The following SETX variants were observed in gnomAD, a reference collection of about 807,000 sequenced individuals.
SETX encodes senataxin.
In SETX, 90 loss-of-function variants were observed where a neutral mutation model predicts 227.2. The ratio of observed to expected loss-of-function variants is 0.40; its 90% CI spans 0.33 to 0.47. The LOEUF (loss-of-function observed/expected upper bound fraction) is 0.47, where lower values mean the gene tolerates loss of function less well. Ranked by LOEUF, SETX falls within the 20% of genes least tolerant of loss-of-function variation. SETX has a pLI of 0.91. For missense variants in SETX, 3,052 were observed against 3,181.5 expected (o/e 0.96, Z 0.98); for synonymous variants, 1,210 against 1,113.2 (o/e 1.09, Z -1.73).
intron 23 of SETX, 61 bp downstream of exon 23, chr9:132,275,195 T>G (rs1316599718): frequency 6.4e-7 from 1 of 1,559,372 alleles, no homozygotes; most frequent in African/African-American, 1.4e-5. Context: ...TCTTCTTTCC[T>G]TCTATATCCT....
At chr9:132,291,662 A>C (rs1252140808) in intron 15 of SETX, among the ~76,000 whole-genome samples, 1 of 152,152 alleles carries the variant, frequency 6.6e-6, no homozygotes, top group Admixed American at 6.6e-5. Flanking sequence ...CAGATTTGAA[A>C]GCCCCTGAGC....
intron 23 of SETX, among the ~76,000 whole-genome samples, chr9:132,273,969 T>A (rs1843024124): frequency 8.6e-6 from 1 of 116,824 alleles, no homozygotes; most frequent in Non-Finnish European, 1.6e-5. Flanking sequence ...TCCTTTGTAT[T>A]CTTTTTTTTT....
intron 6 of SETX, among the ~76,000 whole-genome samples, chr9:132,335,390 CAAAAAA>C (rs1157691529): frequency 1.9e-5 from 1 of 51,992 alleles, no homozygotes; most frequent in Non-Finnish European, 3.2e-5. Flanking sequence ...GACTCCGTCT[CAAAAAA>C]AAAAAAAAAA....
chr9:132,325,218 T>G (rs929668094), intron 10 of SETX, among the ~76,000 whole-genome samples: 2 of 151,956 alleles, frequency 1.3e-5, no homozygotes, highest in Non-Finnish European at 1.5e-5. Flanking sequence ...TAGCCGGCCG[T>G]GGTGGCGAGA....
intron 11 of SETX, among the ~76,000 whole-genome samples, chr9:132,303,422 A>T (rs1845141046): frequency 6.6e-6 from 1 of 151,698 alleles, no homozygotes; most frequent in Non-Finnish European, 1.5e-5. Context: ...TAAACACAAA[A>T]ATTAAACCAT....
At position 132,290,574 on chromosome 9, in the gene SETX, C is replaced by CAAAAAAAAAA. The variant is rs59954158; in HGVS notation, c.6107-1933_6107-1924dup. The stretch of plus-strand genomic sequence containing the variant: ...TGGGAGACAGAGCGAGACTCCGTCT[C>CAAAAAAAAAA]AAAAAAAAAAAAAAAAAAAAAAAAA... On this transcript the variant is annotated intron_variant, in intron 15 of 25. Transcript: ENST00000224140. Among the ~76,000 whole-genome samples the CAAAAAAAAAA allele has an allele frequency of 1.1e-4, 5 of 44,716 alleles. 1 individual carries two copies. The highest frequency in any genetic ancestry group is 2.9e-4 in the African/African-American group (5 of 17,252). 29.3% of individuals were successfully genotyped at this position (44,716 alleles called of 152,430 possible).
At chr9:132,311,635 G>A in intron 11 of SETX, 122 bp downstream of exon 11, 1 of 706,782 alleles carries the variant, frequency 1.4e-6, no homozygotes, top group South Asian at 1.6e-5. Context: ...CATATTCTAA[G>A]AAGTCACAAA....
rs780079620 is a variant in SETX at position 132,331,333 on chromosome 9, A to G, written c.954T>C (p.Ile318=). ...CTCTATTGTAGCTTGCGTTGTTGAT[A>G]ATGGTTTGAAATGCCACAATAGGAT... ...LMDPIVAFQT[I]INNASYNREI... The change falls in exon 8 of 26, where the codon ATT becomes ATC. Residue 318 remains isoleucine, a synonymous_variant. Transcript: ENST00000224140. 1.9e-6 allele frequency: 3 copies of G among 1,614,056 alleles called. No individual in the cohort carries two copies. The highest frequency in any genetic ancestry group is 1.3e-5 in the African/African-American group (1 of 75,000).
chr9:132,281,780 C>T (rs1477538012), intron 19 of SETX, among the ~76,000 whole-genome samples: 2 of 152,044 alleles, frequency 1.3e-5, no homozygotes, highest in African/African-American at 4.8e-5. Context: ...GGCTAACACA[C>T]GTAATGCCAG....
chr9:132,288,676 G>T, intron 15 of SETX, 25 bp from the exon 16 acceptor site: 1 of 1,400,106 alleles, frequency 7.1e-7, no homozygotes, highest in Non-Finnish European at 1.0e-6. Context: ...CACAGTTAAG[G>T]ACTAATAAGG....
intron 5 of SETX, among the ~76,000 whole-genome samples, chr9:132,341,842 G>A (rs923876642): frequency 6.6e-6 from 1 of 152,086 alleles, no homozygotes. Context: ...CCGCCACCCA[G>A]GCCAGGTTTC....
At chr9:132,276,908 C>A in intron 22 of SETX, 152 bp downstream of exon 22, 3 of 722,008 alleles carry the variant, frequency 4.2e-6, no homozygotes, top group East Asian at 2.7e-5. Context: ...CCCCATTATA[C>A]AGAAAAAAGA....
chr9:132,313,238 T>C (rs1845773404), intron 10 of SETX, among the ~76,000 whole-genome samples: 1 of 152,172 alleles, frequency 6.6e-6, no homozygotes, highest in African/African-American at 2.4e-5. Context: ...TGGTATAGTA[T>C]ACCTTAATAA....
At chr9:132,335,865 A>G (rs914839686) in intron 6 of SETX, among the ~76,000 whole-genome samples, 3 of 152,218 alleles carry the variant, frequency 2.0e-5, no homozygotes, top group Admixed American at 6.5e-5. Flanking sequence ...TAATGACAGA[A>G]TAAGAACTGA....
chr9:132,296,166 T>G, intron 14 of SETX, 138 bp from the exon 15 acceptor site: 1 of 1,084,424 alleles, frequency 9.2e-7, no homozygotes, highest in East Asian at 2.5e-5. Flanking sequence ...AATAAAAGCA[T>G]CTACATCTAA....
chr9:132,303,233 G>A (rs1845118508), intron 11 of SETX, among the ~76,000 whole-genome samples: 1 of 149,702 alleles, frequency 6.7e-6, no homozygotes, highest in Admixed American at 6.7e-5. Context: ...ATGTTGCCCA[G>A]ACTGCTCTCA....
chr9:132,336,653 T>G (rs1589762824), intron 5 of SETX, 138 bp from the exon 6 acceptor site: 2 of 714,202 alleles, frequency 2.8e-6, no homozygotes, highest in East Asian at 2.7e-5. Flanking sequence ...GTGGACCTTA[T>G]TTGATCCTGA....
intron 11 of SETX, among the ~76,000 whole-genome samples, chr9:132,301,088 C>CTTTTTTT (rs200657740): frequency 4.8e-5 from 6 of 123,966 alleles, no homozygotes; most frequent in Admixed American, 8.3e-5. Flanking sequence ...GTTTATTCTG[C>CTTTTTTT]TTTTTTTTTT....
In SETX at chr9:132,329,886, G is replaced by C; in HGVS notation, c.1712C>G (p.Ser571Cys). ...KLNLFLRGNL[S>C]LGWQLTSQET... ...CTGACTAGTCAACTGCCAACCTAGAGATAAATTTCCTCTAAGGAATAAGTT... is the reference window on the plus strand; with the variant it reads ...CTGACTAGTCAACTGCCAACCTAGACATAAATTTCCTCTAAGGAATAAGTT... Residue 571 changes from serine (S) to cysteine (C), a missense_variant, in exon 10 of 26, where the codon TCT becomes TGT. Ser to Cys is a moderately radical substitution (Grantham distance 112). Transcript: ENST00000224140. 6.2e-7 allele frequency: 1 copy of C among 1,614,114 alleles called. No individual in the cohort carries two copies.
Sources: gnomAD v4.1 joint callset for allele counts (sites outside exome capture counted in the v4.1 genomes callset) on GRCh38, gnomAD v4.1.1 for gene constraint, MANE v1.5 for transcripts, NCBI Gene and HGNC (gene_info 2026-07-23, HGNC 2026-07-21) for gene names.